The following CRB2 variants were observed in gnomAD, a reference collection of about 807,000 sequenced individuals.
The protein encoded by CRB2 is crumbs cell polarity complex component 2.
In CRB2, 85 loss-of-function variants were observed where a neutral mutation model predicts 110.9. That is an observed-to-expected ratio of 0.77 (90% confidence interval 0.64 to 0.92). The LOEUF is 0.92. CRB2 is among the 40% of genes least tolerant of loss of function. The probability of loss-of-function intolerance (pLI) is 0.00; values close to 1 mark genes in which losing one functional copy is unlikely to be tolerated. For synonymous variants in CRB2, 907 were observed against 831.0 expected, an observed-to-expected ratio of 1.09 and a Z score of -1.57; for missense variants, 1,843 against 1,851.3, an observed-to-expected ratio of 1.00 and a Z score of 0.08.
At chr9:123,360,267 G>T (rs1025828796) in intron 1 of CRB2, among the ~76,000 whole-genome samples, 1 of 152,176 alleles carries the variant, frequency 6.6e-6, no homozygotes, top group African/African-American at 2.4e-5. Flanking sequence ...CCAGGACAGG[G>T]CAGCAGGTCG....
Position 123,366,296 on chromosome 9 carries a change from A to C in CRB2, c.684A>C (p.Ala228=). The C allele has an allele frequency of 6.6e-7, 1 of 1,523,612 alleles. No individual in the cohort carries two copies. The highest frequency in any genetic ancestry group is 8.7e-7 in the Non-Finnish European group (1 of 1,148,546). 94.4% of individuals were successfully genotyped at this position (1,523,612 alleles called of 1,614,324 possible). A position where few individuals can be genotyped will look rare whatever the true frequency, so the allele number is the denominator to read the frequency against. The part of the protein sequence containing the change: ...THCEREVLEC[A]SAPCEHNASC... ...GCGAGCGGGAGGTGCTGGAGTGCGC[A>C]TCGGCGCCCTGCGAGCACAACGCGT... Residue 228 remains alanine (A), a synonymous_variant, in exon 4 of 13, where the codon GCA becomes GCC. Transcript: ENST00000373631.
rs748881064 is a variant in CRB2 at position 123,373,777 on chromosome 9, C to T, written c.3246C>T (p.Cys1082=). Residue 1082 remains cysteine, a synonymous_variant, in exon 10 of 13, where the codon TGC becomes TGT. Coordinates refer to ENST00000373631, the MANE Select transcript of CRB2 (RefSeq NM_173689.7). ...RDLFDAFACA[C]GPGWEGPRCE... ...TCTTCGACGCCTTTGCCTGCGCCTG[C>T]GGCCCGGGGTGGGAAGGCCCGCGCT... is the stretch of plus-strand genomic sequence containing the variant. 7.2e-5 allele frequency: 115 copies of T among 1,590,426 alleles called. No individual in the cohort carries two copies. The highest frequency in any genetic ancestry group is 9.3e-5 in the Non-Finnish European group (110 of 1,176,476).
At chr9:123,362,757 C>A (rs2041882423) in intron 1 of CRB2, 108 bp from the exon 2 acceptor site, 2 of 1,074,202 alleles carry the variant, frequency 1.9e-6, no homozygotes, top group African/African-American at 1.6e-5. Context: ...ACTGTGCATG[C>A]AGAGACCCAC....
At chr9:123,367,750 T>G in intron 6 of CRB2, 64 bp downstream of exon 6, 1 of 1,107,172 alleles carries the variant, frequency 9.0e-7, no homozygotes, top group South Asian at 1.4e-5. Context: ...AGAAGGTCCC[T>G]TCTGTCTGGA....
chr9:123,365,854 C>A, intron 2 of CRB2, 63 bp from the exon 3 acceptor site: 1 of 1,416,938 alleles, frequency 7.1e-7, no homozygotes, highest in Non-Finnish European at 9.4e-7. Context: ...AGGCCTGGCG[C>A]GACCTCTTCC....
chr9:123,367,468 C>A, intron 5 of CRB2, 105 bp from the exon 6 acceptor site: 1 of 1,158,942 alleles, frequency 8.6e-7, no homozygotes, highest in Non-Finnish European at 1.2e-6. Context: ...ACACCCGAGT[C>A]TGCCCTCTCT....
rs915120127 is a variant in CRB2, at chr9:123,373,713, C to A, written c.3182C>A (p.Ala1061Glu). 2 of 1,521,936 alleles carry A rather than the reference C, an allele frequency of 1.3e-6. No individual in the cohort carries two copies. Among genetic ancestry groups the A allele is most frequent in the African/African-American group, 1.4e-5 (1 of 69,492 alleles). 94.3% of individuals were successfully genotyped at this position (1,521,936 alleles called of 1,614,324 possible). A position where few individuals can be genotyped will look rare whatever the true frequency, so the allele number is the denominator to read the frequency against. The change falls in exon 10 of 13, where the codon GCG becomes GAG. Residue 1061 changes from alanine to glutamate, a missense_variant. Transcript: ENST00000373631. ...GGCTGCCGCGGCGCGCCCGTGTGTG[C>A]GCCCTCGCCCTGTCTGCACGACGGT... Reference protein sequence around the residue: ...ILGCRGAPVCAPSPCLHDGAC... With the variant: ...ILGCRGAPVCEPSPCLHDGAC...
chr9:123,359,452 T>TTTTG (rs2041841710), intron 1 of CRB2, among the ~76,000 whole-genome samples: 1 of 132,566 alleles, frequency 7.5e-6, no homozygotes, highest in Non-Finnish European at 1.6e-5. Context: ...TTTTTTTTTT[T>TTTTG]TTTTTTTTTT....
At chr9:123,362,056 G>A (rs2041874650) in intron 1 of CRB2, among the ~76,000 whole-genome samples, 2 of 152,322 alleles carry the variant, frequency 1.3e-5, no homozygotes, top group African/African-American at 2.4e-5. Flanking sequence ...TGTACCATGC[G>A]ACCTTGGCCA....
chr9:123,367,831 G>A (rs2041960131), intron 6 of CRB2, 145 bp downstream of exon 6: 1 of 631,858 alleles, frequency 1.6e-6, no homozygotes, highest in East Asian at 2.8e-5. Flanking sequence ...CGCTGAGGGT[G>A]GCTGAACTGG....
In CRB2 at chr9:123,370,089, G is replaced by T. The variant is rs1394729048; in HGVS notation, c.1055-19G>T. On this transcript the variant is annotated intron_variant, in intron 6 of 12. Transcript: ENST00000373631. ...CTGGCCCCAGACATTACTGAACCTT[G>T]GCTTTGTCTCTCCCAAAGGGCCGAC... is the stretch of plus-strand genomic sequence containing the variant. 1.0e-5 allele frequency: 16 copies of T among 1,564,280 alleles called. No homozygotes were observed. Among genetic ancestry groups the T allele is most frequent in the Admixed American group, 3.5e-5 (2 of 56,938 alleles).
rs577851345 is a variant in CRB2 at position 123,376,745 on chromosome 9, A to T, written c.3634-93A>T. 43 of 1,200,370 alleles carry T rather than the reference A, an allele frequency of 3.6e-5. No homozygotes were observed. The Admixed American group carries it at 7.6e-4, about 21-fold the overall frequency. 74.4% of individuals were successfully genotyped at this position (1,200,370 alleles called of 1,614,324 possible). A position where few individuals can be genotyped will look rare whatever the true frequency, so the allele number is the denominator to read the frequency against. On this transcript the variant is annotated intron_variant, in intron 12 of 12. Transcript: ENST00000373631. The stretch of plus-strand genomic sequence containing the variant: ...CTGCTCCCAGCTCTGATTTTCTCTG[A>T]GTAGGTCCTTGTGCTGCGCTCTCTG...
At chr9:123,361,037 C>G (rs529216226) in intron 1 of CRB2, among the ~76,000 whole-genome samples, 4 of 152,028 alleles carry the variant, frequency 2.6e-5, no homozygotes, top group Admixed American at 2.0e-4. Context: ...TGACAAGGCA[C>G]CTCCCCCGCC....
At chr9:123,366,767 A>G (rs1243309697) in intron 4 of CRB2, among the ~76,000 whole-genome samples, 1 of 152,056 alleles carries the variant, frequency 6.6e-6, no homozygotes, top group Non-Finnish European at 1.5e-5. Context: ...CCTGGCCAAC[A>G]TTGTGAAACC....
intron 2 of CRB2, among the ~76,000 whole-genome samples, chr9:123,364,918 A>G (rs913174626): frequency 2.6e-5 from 4 of 152,174 alleles, no homozygotes; most frequent in African/African-American, 9.7e-5. Flanking sequence ...ACCCTACTCA[A>G]GCATCTCCTG....
At chr9:123,364,748 G>C (rs541826158) in intron 2 of CRB2, among the ~76,000 whole-genome samples, 5 of 152,184 alleles carry the variant, frequency 3.3e-5, no homozygotes, top group Non-Finnish European at 7.4e-5. Flanking sequence ...CTCAGGCAGC[G>C]TATCTGAAAC....
rs753967204 is a variant in CRB2 at position 123,371,381 on chromosome 9, G to A, written c.2239G>A (p.Val747Met). The A allele has an allele frequency of 1.2e-5, 19 of 1,607,040 alleles. No individual in the cohort carries two copies. The highest frequency in any genetic ancestry group is 4.4e-5 in the South Asian group (4 of 90,178). Reference sequence around the variant, plus strand: ...GCAGGACCTGGGGCAGCACGTGCACGTGGGTGGGAGGCTCCTTGCTGCCGA... The same window carrying A: ...GCAGGACCTGGGGCAGCACGTGCACATGGGTGGGAGGCTCCTTGCTGCCGA... ...QLQDLGQHVHVGGRLLAADSQ... is the reference protein window; with the variant it reads ...QLQDLGQHVHMGGRLLAADSQ... The change falls in exon 8 of 13, where the codon GTG (valine) becomes ATG (methionine). Residue 747 changes from valine (V) to methionine (M), a missense_variant. By Grantham distance (21) the Val-to-Met change is conservative. Transcript: ENST00000373631.
chr9:123,370,007 T>A, intron 6 of CRB2, 101 bp from the exon 7 acceptor site: 2 of 1,368,576 alleles, frequency 1.5e-6, no homozygotes, highest in Non-Finnish European at 2.0e-6. Flanking sequence ...GTTTGGCTGA[T>A]AGGTACTGAG....
Position 123,373,555 on chromosome 9 carries a change from G to C in CRB2, c.3024G>C (p.Glu1008Asp). Residue 1008 changes from glutamate (E) to aspartate (D), a missense_variant, in exon 10 of 13, where the codon GAG becomes GAC. Glu to Asp is a conservative substitution (Grantham distance 45). Transcript: ENST00000373631. Reference protein sequence around the residue: ...GPGAVRILLAENFTGCLGRVA... With the variant: ...GPGAVRILLADNFTGCLGRVA... The stretch of plus-strand genomic sequence containing the variant: ...GTGCTGTGCGCATCCTGCTGGCTGA[G>C]AACTTCACCGGCTGCTTGGGCCGCG... 6.8e-7 allele frequency: 1 copy of C among 1,479,988 alleles called. No individual in the cohort carries two copies. The highest frequency in any genetic ancestry group is 8.9e-7 in the Non-Finnish European group (1 of 1,119,352). 91.7% of individuals were successfully genotyped at this position (1,479,988 alleles called of 1,614,324 possible). A position where few individuals can be genotyped will look rare whatever the true frequency, so the allele number is the denominator to read the frequency against.
Sources: allele counts gnomAD v4.1 joint callset (sites outside exome capture counted in the v4.1 genomes callset), GRCh38; gene constraint gnomAD v4.1.1; transcripts MANE v1.5; gene names NCBI Gene and HGNC (gene_info 2026-07-23, HGNC 2026-07-21).